Variants in AGPS observed in about 807,000 individuals in gnomAD.
AGPS encodes the protein alkyldihydroxyacetonephosphate synthase, peroxisomal.
In AGPS, 26 loss-of-function variants were observed where a neutral mutation model predicts 90.7. The observed-to-expected ratio is 0.29, with a 90% CI of 0.21 to 0.40. The LOEUF is 0.40. Among genes scored for constraint, AGPS ranks in the 10% least tolerant of loss-of-function variants. The probability of loss-of-function intolerance (pLI) is 1.00; values close to 1 mark genes in which losing one functional copy is unlikely to be tolerated. For synonymous variants in AGPS, 294 were observed against 285.3 expected, an observed-to-expected ratio of 1.03 and a Z score of -0.31; for missense variants, 540 against 816.1, an observed-to-expected ratio of 0.66 and a Z score of 4.12.
At chr2:177,492,278 G>A (rs1355168713) in intron 11 of AGPS, among the ~76,000 whole-genome samples, 1 of 152,092 alleles carries the variant, frequency 6.6e-6, no homozygotes, top group Non-Finnish European at 1.5e-5. Flanking sequence ...ATGTGCTTAA[G>A]CTAGAATATA....
intron 16 of AGPS, among the ~76,000 whole-genome samples, chr2:177,511,270 T>G (rs966385595): frequency 6.6e-6 from 1 of 151,988 alleles, no homozygotes; most frequent in African/African-American, 2.4e-5. Context: ...TGGCTAATTT[T>G]TTTTGTTTGT....
At chr2:177,530,154 A>AG (rs2105740622) in intron 19 of AGPS, among the ~76,000 whole-genome samples, 1 of 152,358 alleles carries the variant, frequency 6.6e-6, no homozygotes, top group South Asian at 2.1e-4. Flanking sequence ...ATGATTCAAC[A>AG]ATAGTTTTAA....
chr2:177,529,295 A>C (rs747571362), intron 19 of AGPS, among the ~76,000 whole-genome samples: 1 of 151,888 alleles, frequency 6.6e-6, no homozygotes, highest in Non-Finnish European at 1.5e-5. Context: ...GCAAGACTCT[A>C]TCTCTACAAA....
intron 14 of AGPS, among the ~76,000 whole-genome samples, chr2:177,503,524 G>T (rs116719756): frequency 6.6e-6 from 1 of 152,078 alleles, no homozygotes; most frequent in African/African-American, 2.4e-5. Context: ...ACCTTGAATT[G>T]ATGTTTGAAA....
intron 10 of AGPS, among the ~76,000 whole-genome samples, chr2:177,474,050 TAAAG>T (rs764331382): frequency 6.6e-6 from 1 of 152,250 alleles, no homozygotes; most frequent in Admixed American, 6.5e-5. Flanking sequence ...ATGAGAATTT[TAAAG>T]AAAGTTTGTT....
intron 11 of AGPS, among the ~76,000 whole-genome samples, chr2:177,489,524 G>A (rs1688190384): frequency 6.6e-6 from 1 of 152,166 alleles, no homozygotes; most frequent in Non-Finnish European, 1.5e-5. Flanking sequence ...CCTGGTTGTA[G>A]CATCCCTAAA....
At chr2:177,452,980 C>G (rs1376366468) in intron 8 of AGPS, among the ~76,000 whole-genome samples, 1 of 151,370 alleles carries the variant, frequency 6.6e-6, no homozygotes, top group Non-Finnish European at 1.5e-5. Flanking sequence ...TTTCCTATAC[C>G]CTTAATTTTG....
intron 15 of AGPS, among the ~76,000 whole-genome samples, chr2:177,507,649 G>A (rs1439022178): frequency 6.6e-6 from 1 of 152,126 alleles, no homozygotes; most frequent in African/African-American, 2.4e-5. Context: ...TGTTCTGTCA[G>A]TATTCTCTAC....
chr2:177,439,292 A>AT (rs1267977672), intron 5 of AGPS, among the ~76,000 whole-genome samples: 1 of 152,172 alleles, frequency 6.6e-6, no homozygotes, highest in Admixed American at 6.5e-5. Context: ...TATGTAACAT[A>AT]TTGGGTAGTG....
intron 2 of AGPS, among the ~76,000 whole-genome samples, chr2:177,421,166 A>G (rs935035382): frequency 1.3e-5 from 2 of 152,020 alleles, no homozygotes; most frequent in African/African-American, 4.8e-5. Flanking sequence ...TGTCTGTTGA[A>G]TTTTGATACA....
At position 177,532,640 on chromosome 2, in the gene AGPS, G is replaced by A. The variant is rs551857462; in HGVS notation, c.1856-5434G>A. On this transcript the variant is annotated intron_variant, in intron 19 of 19. Transcript: ENST00000264167. ...TTGTACCAGAGAAATGAAAACTTAT[G>A]TTCACATAAAAACCTTAACATAAAT... Among the ~76,000 whole-genome samples, 16 of 152,176 alleles carry A rather than the reference G, an allele frequency of 1.1e-4. No individual in the cohort carries two copies. The South Asian group carries it at 3.3e-3, about 32-fold the overall frequency.
intron 5 of AGPS, among the ~76,000 whole-genome samples, chr2:177,440,278 C>T (rs758944946): frequency 2.0e-5 from 3 of 152,098 alleles, no homozygotes; most frequent in South Asian, 2.1e-4. Context: ...CCTAGTAACA[C>T]GGCCTAACCA....
At chr2:177,518,212 T>A (rs1259946100) in intron 17 of AGPS, among the ~76,000 whole-genome samples, 1 of 152,084 alleles carries the variant, frequency 6.6e-6, no homozygotes, top group African/African-American at 2.4e-5. Flanking sequence ...GGTGGGTGGA[T>A]CACTTGAGGT....
chr2:177,427,587 G>C (rs1392552393), intron 2 of AGPS, among the ~76,000 whole-genome samples: 3 of 152,040 alleles, frequency 2.0e-5, no homozygotes, highest in African/African-American at 4.8e-5. Flanking sequence ...CTTGATTTCT[G>C]CCTTAATTTC....
chr2:177,469,875 A>G (rs756333432), intron 10 of AGPS, among the ~76,000 whole-genome samples: 9 of 152,088 alleles, frequency 5.9e-5, no homozygotes, highest in Non-Finnish European at 1.2e-4. Context: ...TAAAAATTCT[A>G]GTTGCTAGAT....
At chr2:177,516,870 G>A (rs1242411220) in intron 17 of AGPS, among the ~76,000 whole-genome samples, 2 of 151,966 alleles carry the variant, frequency 1.3e-5, no homozygotes, top group Non-Finnish European at 2.9e-5. Flanking sequence ...ATGGTTCTCC[G>A]TTGTTTCTTA....
In AGPS at chr2:177,470,051, T is replaced by C. The variant is rs17326873; in HGVS notation, c.1105+1527T>C. 9.3e-3 allele frequency among the ~76,000 whole-genome samples: 1,408 copies of C among 152,216 alleles called. 17 individuals are homozygous for C. The highest frequency in any genetic ancestry group is 0.037 in the Middle Eastern group (11 of 294). On this transcript the variant is annotated intron_variant, in intron 10 of 19. Transcript: ENST00000264167. Reference sequence around the variant, plus strand: ...TACCTAAAGTGGTCTTTGAGGTTGATAAGAAGAAAATAATTCCAGGTCAAG... The same window carrying C: ...TACCTAAAGTGGTCTTTGAGGTTGACAAGAAGAAAATAATTCCAGGTCAAG...
chr2:177,507,825 GT>G lies in AGPS; in HGVS notation c.1546-144del, dbSNP rs1256889847. ...ATCTCACTCCAGGGACAACTTTTCA[GT>G]GCTCTTATGAGGTGGATAGTAAAGA... On this transcript the variant is annotated intron_variant, in intron 15 of 19. Transcript: ENST00000264167. The G allele has an allele frequency of 1.9e-5, 13 of 680,852 alleles. No individual in the cohort carries two copies. In the African/African-American group the frequency reaches 2.0e-4, roughly 10 times the overall value. 42.2% of individuals were successfully genotyped at this position (680,852 alleles called of 1,614,324 possible). A position where few individuals can be genotyped will look rare whatever the true frequency, so the allele number is the denominator to read the frequency against.
chr2:177,431,676 C>G (rs569884605), intron 2 of AGPS, among the ~76,000 whole-genome samples: 1 of 152,276 alleles, frequency 6.6e-6, no homozygotes, highest in African/African-American at 2.4e-5. Context: ...CTCCTGCTTT[C>G]ACGTCCTTTT....
Sources: allele counts gnomAD v4.1 joint callset (sites outside exome capture counted in the v4.1 genomes callset), GRCh38; gene constraint gnomAD v4.1.1; transcripts MANE v1.5; gene names NCBI Gene and HGNC (gene_info 2026-07-23, HGNC 2026-07-21).